Variants in PLD5 observed in about 807,000 individuals in gnomAD.
PLD5 encodes the protein phospholipase D family member 5.
A neutral mutation model predicts 61.1 loss-of-function variants in PLD5; 36 were observed. The ratio of observed to expected loss-of-function variants is 0.59; its 90% CI spans 0.45 to 0.78. The LOEUF (loss-of-function observed/expected upper bound fraction) is 0.78, where lower values mean the gene tolerates loss of function less well. PLD5 is among the 30% of genes least tolerant of loss of function. The probability of loss-of-function intolerance (pLI) is 0.00; values close to 1 mark genes in which losing one functional copy is unlikely to be tolerated. For missense variants in PLD5, 515 were observed against 644.4 expected, an observed-to-expected ratio of 0.80 and a Z score of 2.17; for synonymous variants, 243 against 242.8, an observed-to-expected ratio of 1.00 and a Z score of -0.01.
the PLD5 span, among the ~76,000 whole-genome samples, chr1:242,529,778 T>TCTTCCTCCCTCCCTCCCTTCCTTCCTTC: frequency 1.5e-5 from 2 of 129,792 alleles, no homozygotes; most frequent in African/African-American, 6.0e-5. Flanking sequence ...GGCACTGGGA[T>TCTTCCTCCCTCCCTCCCTTCCTTCCTTC]CTTCCTTCCT....
rs1293389122 is a variant in PLD5, at chr1:242,394,869, AATATATATGAATATATGT to A, written c.190-46645_190-46628del. On this transcript the variant is annotated intron_variant, in intron 1 of 9. Coordinates refer to ENST00000536534, the MANE Select transcript of PLD5 (RefSeq NM_001372062.1). ...ATATGTGAATATATATGTATATATG[AATATATATGAATATATGT>A]ATATATATGATTATATATGAATATA... Among the ~76,000 whole-genome samples, 15 of 113,842 alleles carry A rather than the reference AATATATATGAATATATGT, an allele frequency of 1.3e-4. 1 individual carries two copies. Among genetic ancestry groups the A allele is most frequent in the Middle Eastern group, 0.012 (1 of 86 alleles). The allele number at this position is 113,842 out of a possible 152,430, so 74.7% of individuals were successfully genotyped here. A position where few individuals can be genotyped will look rare whatever the true frequency, so the allele number is the denominator to read the frequency against.
chr1:242,211,296 G>T (rs1397481320), intron 5 of PLD5, among the ~76,000 whole-genome samples: 2 of 152,194 alleles, frequency 1.3e-5, no homozygotes, highest in South Asian at 2.1e-4. Flanking sequence ...TCAGGATAGG[G>T]TTATGGCTAA....
At chr1:242,403,172 G>A (rs1664036388) in intron 1 of PLD5, among the ~76,000 whole-genome samples, 1 of 152,180 alleles carries the variant, frequency 6.6e-6, no homozygotes, top group Non-Finnish European at 1.5e-5. Flanking sequence ...CAGGTCAGAT[G>A]GTCACTTGCC....
intron 5 of PLD5, among the ~76,000 whole-genome samples, chr1:242,184,623 C>T (rs1667756864): frequency 1.3e-5 from 2 of 152,326 alleles, no homozygotes; most frequent in South Asian, 2.1e-4. Flanking sequence ...CCCACCTCAG[C>T]CTCCCAAAGT....
rs192176536 is a variant in PLD5 at position 242,317,305 on chromosome 1, G to C, written c.327-28775C>G. On this transcript the variant is annotated intron_variant, in intron 2 of 9. Transcript: ENST00000536534. ...GCTGGGATTAGAGGCATGAGCCACT[G>C]CGCCTGGCCTCCACTATTGATGAAC... 6.2e-4 allele frequency among the ~76,000 whole-genome samples: 95 copies of C among 152,256 alleles called. 1 individual carries two copies. The East Asian group carries it at 0.014, about 22-fold the overall frequency.
intron 1 of PLD5, among the ~76,000 whole-genome samples, chr1:242,451,144 T>A (rs1432797436): frequency 6.6e-6 from 1 of 152,180 alleles, no homozygotes; most frequent in Non-Finnish European, 1.5e-5. Flanking sequence ...AAGCATTGTC[T>A]GCTTTTTTCC....
chr1:242,314,205 AG>A (rs1478015016), intron 2 of PLD5, among the ~76,000 whole-genome samples: 2 of 152,224 alleles, frequency 1.3e-5, no homozygotes. Flanking sequence ...ATGATGGCTC[AG>A]AAACCTGATT....
chr1:242,334,483 G>A (rs911199888), intron 2 of PLD5, among the ~76,000 whole-genome samples: 1 of 152,188 alleles, frequency 6.6e-6, no homozygotes, highest in Non-Finnish European at 1.5e-5. Flanking sequence ...CGTGATATGA[G>A]CTTCCCTGGG....
At chr1:242,297,275 C>T (rs1675718060) in intron 2 of PLD5, among the ~76,000 whole-genome samples, 1 of 143,140 alleles carries the variant, frequency 7.0e-6, no homozygotes, top group Non-Finnish European at 1.5e-5. Flanking sequence ...ACTCTGAAGG[C>T]CGAGGTTGCA....
In PLD5 at chr1:242,318,572, G is replaced by A. The variant is rs1454504373; in HGVS notation, c.326+29534C>T. On this transcript the variant is annotated intron_variant, in intron 2 of 9. Transcript: ENST00000536534. ...CTCGTACCTTGTGAATCCCGACGTG[G>A]GATGTGGGATGCCTGCCAAAGGGAA... is the stretch of plus-strand genomic sequence containing the variant. Among the ~76,000 whole-genome samples the A allele has an allele frequency of 1.3e-5, 2 of 152,162 alleles. 1 individual carries two copies. Among genetic ancestry groups the A allele is most frequent in the Non-Finnish European group, 2.9e-5 (2 of 68,032 alleles).
In PLD5 at chr1:242,090,123, A is replaced by C; in HGVS notation, c.1355-13T>G. On this transcript the variant is annotated splice_polypyrimidine_tract_variant and intron_variant, in intron 9 of 9. Coordinates refer to ENST00000536534, the MANE Select transcript of PLD5 (RefSeq NM_001372062.1). ...CAATCAAAATTTCCTGCAAACAAAC[A>C]AAGAAATAATGTTGAGGAGTTAGAG... 6.2e-7 allele frequency: 1 copy of C among 1,613,416 alleles called. No homozygotes were observed. The highest frequency in any genetic ancestry group is 8.5e-7 in the Non-Finnish European group (1 of 1,179,364).
chr1:242,157,079 T>G (rs909802029), intron 5 of PLD5, among the ~76,000 whole-genome samples: 1 of 152,168 alleles, frequency 6.6e-6, no homozygotes, highest in Non-Finnish European at 1.5e-5. Flanking sequence ...TGTAATATTG[T>G]CTTCTAGCTT....
At chr1:242,151,114 T>C (rs1664896512) in intron 5 of PLD5, among the ~76,000 whole-genome samples, 1 of 151,978 alleles carries the variant, frequency 6.6e-6, no homozygotes, top group Non-Finnish European at 1.5e-5. Context: ...CCATCCTTGG[T>C]ATTATTGTCA....
intron 1 of PLD5, among the ~76,000 whole-genome samples, chr1:242,392,230 GCAA>G (rs547769256): frequency 1.4e-3 from 209 of 152,188 alleles, no homozygotes; most frequent in African/African-American, 4.8e-3. Context: ...TATAAAGATG[GCAA>G]CAACAGATGC....
At chr1:242,268,400 C>T (rs2149108302) in intron 3 of PLD5, among the ~76,000 whole-genome samples, 1 of 152,262 alleles carries the variant, frequency 6.6e-6, no homozygotes, top group South Asian at 2.1e-4. Flanking sequence ...ACCGATGAAA[C>T]ATTCAAGAGA....
intron 1 of PLD5, among the ~76,000 whole-genome samples, chr1:242,349,076 C>T (rs531829164): frequency 6.6e-6 from 1 of 152,138 alleles, no homozygotes; most frequent in Admixed American, 6.5e-5. Context: ...AAACAAAAAA[C>T]ATCAGTCAAT....
At chr1:242,511,353 C>T (rs955478528) in intron 1 of PLD5, among the ~76,000 whole-genome samples, 1 of 152,168 alleles carries the variant, frequency 6.6e-6, no homozygotes, top group Non-Finnish European at 1.5e-5. Context: ...CCAGGAGTTG[C>T]TGAATGTGGG....
In PLD5 at chr1:242,524,648, C is replaced by T. The variant is rs1479549013; in HGVS notation, c.-372G>A. 6.2e-6 allele frequency: 1 copy of T among 161,652 alleles called. No homozygotes were observed. The highest frequency in any genetic ancestry group is 1.3e-5 in the Non-Finnish European group (1 of 75,108). The allele number at this position is 161,652 out of a possible 1,614,324, so 10.0% of individuals were successfully genotyped here. A position where few individuals can be genotyped will look rare whatever the true frequency, so the allele number is the denominator to read the frequency against. ...GTGCGGCGGCGACGTCGCCCGGCGG[C>T]TGCGGTCCCGAGCGGGCGCTCCGCT... is the stretch of plus-strand genomic sequence containing the variant. On this transcript the variant is annotated 5_prime_UTR_variant, in exon 1 of 10. Coordinates refer to ENST00000536534, the MANE Select transcript of PLD5 (RefSeq NM_001372062.1).
intron 2 of PLD5, among the ~76,000 whole-genome samples, chr1:242,318,610 C>T (rs886282690): frequency 3.3e-5 from 5 of 151,946 alleles, no homozygotes; most frequent in African/African-American, 4.8e-5. Flanking sequence ...GTCAAGTGTG[C>T]TGGTCAAGAA....
Sources: allele counts gnomAD v4.1 joint callset (sites outside exome capture counted in the v4.1 genomes callset), GRCh38; gene constraint gnomAD v4.1.1; transcripts MANE v1.5; gene names NCBI Gene and HGNC (gene_info 2026-07-23, HGNC 2026-07-21).